The following SLAIN2 variants were observed in gnomAD, a reference collection of about 807,000 sequenced individuals.
The protein encoded by SLAIN2 is SLAIN family member 2, also known as SLAIN motif-containing protein 2.
SLAIN2 carries 31 observed loss-of-function variants against 56.6 expected under a neutral mutation model. That is an observed-to-expected ratio of 0.55 (90% CI 0.41 to 0.74). The LOEUF (loss-of-function observed/expected upper bound fraction) is 0.74, where lower values mean the gene tolerates loss of function less well. Ranked by LOEUF, SLAIN2 falls within the 30% of genes least tolerant of loss-of-function variation. The pLI is 0.00. For missense variants in SLAIN2, 777 were observed against 754.2 expected, an observed-to-expected ratio of 1.03 and a Z score of -0.35; for synonymous variants, 317 against 284.9, an observed-to-expected ratio of 1.11 and a Z score of -1.13.
chr4:48,341,685 C>T lies in SLAIN2; in HGVS notation c.-55C>T, dbSNP rs552989069. 2.5e-4 allele frequency: 379 copies of T among 1,510,540 alleles called. No homozygotes were observed. Among genetic ancestry groups the T allele is most frequent in the East Asian group, 5.7e-4 (21 of 36,966 alleles). 93.6% of individuals were successfully genotyped at this position (1,510,540 alleles called of 1,614,324 possible). A position where few individuals can be genotyped will look rare whatever the true frequency, so the allele number is the denominator to read the frequency against. On this transcript the variant is annotated 5_prime_UTR_variant, in exon 1 of 8. Transcript: ENST00000264313. ...GACGCCTCTTTCCTCCGTCTCTTTC[C>T]CTGTCGCTGCGAGAGCGAGCGGGCG... is the stretch of plus-strand genomic sequence containing the variant.
In SLAIN2 at chr4:48,341,791, C is replaced by G; in HGVS notation, c.52C>G (p.Gln18Glu). 6.5e-7 allele frequency: 1 copy of G among 1,530,370 alleles called. No individual in the cohort carries two copies. Among genetic ancestry groups the G allele is most frequent in the Non-Finnish European group, 8.8e-7 (1 of 1,138,768 alleles). 94.8% of individuals were successfully genotyped at this position (1,530,370 alleles called of 1,614,324 possible). Residue 18 changes from glutamine to glutamate, a missense_variant, in exon 1 of 8, where the codon CAG (glutamine) becomes GAG (glutamate). Gln to Glu is a conservative substitution (Grantham distance 29). Coordinates refer to ENST00000264313, the MANE Select transcript of SLAIN2 (RefSeq NM_020846.2). ...VNADQEVRKLQELVKKLEKQN... is the reference protein window; with the variant it reads ...VNADQEVRKLEELVKKLEKQN... ...CGCGGACCAGGAGGTGCGGAAGCTG[C>G]AGGAGCTGGTGAAGAAGCTGGAGAA...
Position 48,420,178 on chromosome 4 carries a change from C to T in SLAIN2, c.1414C>T (p.Arg472Trp), listed in dbSNP as rs766712711. 3.7e-6 allele frequency: 6 copies of T among 1,613,860 alleles called. No individual in the cohort carries two copies. The highest frequency in any genetic ancestry group is 2.2e-5 in the East Asian group (1 of 44,862). ...TGCAGCACCATCTCCTTTGGCTCTT[C>T]GGCAACCAGTGAAAGCATTTAGTAA... The part of the protein sequence containing the change: ...SPAAPSPLAL[R>W]QPVKAFSNHG... The change falls in exon 7 of 8, where the codon CGG (arginine) becomes TGG (tryptophan). Residue 472 changes from arginine (R) to tryptophan (W), a missense_variant. Transcript: ENST00000264313.
chr4:48,420,822 A>C (rs1717127034), intron 7 of SLAIN2, among the ~76,000 whole-genome samples: 1 of 152,208 alleles, frequency 6.6e-6, no homozygotes, highest in Non-Finnish European at 1.5e-5. Context: ...ACTTCTAGCT[A>C]CCAAGTCTGA....
At chr4:48,388,025 C>T (rs1040331044) in intron 6 of SLAIN2, among the ~76,000 whole-genome samples, 1 of 152,094 alleles carries the variant, frequency 6.6e-6, no homozygotes, top group Non-Finnish European at 1.5e-5. Context: ...ACTTGCTGGT[C>T]TGCATGAACC....
At chr4:48,421,971 A>G in intron 7 of SLAIN2, 40 bp from the exon 8 acceptor site, 1 of 1,435,294 alleles carries the variant, frequency 7.0e-7, no homozygotes, top group Non-Finnish European at 9.7e-7. Flanking sequence ...TTTCATAAAG[A>G]CATTTATCAA....
At chr4:48,375,293 A>G (rs989910212) in intron 2 of SLAIN2, among the ~76,000 whole-genome samples, 5 of 152,198 alleles carry the variant, frequency 3.3e-5, no homozygotes, top group Non-Finnish European at 5.9e-5. Context: ...TATATATAAA[A>G]TATTGTTTTA....
Position 48,426,163 on chromosome 4 carries a change from G to A in SLAIN2, c.*4086G>A, listed in dbSNP as rs1006427308. ...TAGAAGGTCTTTTTTTTTTTAAGGA[G>A]AAAATGTTTCTTTTAAATAAATGTT... is the stretch of plus-strand genomic sequence containing the variant. On this transcript the variant is annotated 3_prime_UTR_variant, in exon 8 of 8. Transcript: ENST00000264313. The A allele has an allele frequency of 2.6e-5, 4 of 151,520 alleles. No individual in the cohort carries two copies. The highest frequency in any genetic ancestry group is 9.7e-5 in the African/African-American group (4 of 41,284). 9.4% of individuals were successfully genotyped at this position (151,520 alleles called of 1,614,324 possible).
intron 7 of SLAIN2, 181 bp downstream of exon 7, chr4:48,420,624 C>G (rs1717122751): frequency 1.3e-6 from 1 of 772,284 alleles, no homozygotes; most frequent in Non-Finnish European, 2.0e-6. Context: ...TCATTTGGGA[C>G]TTTTACCAGT....
chr4:48,376,899 CCG>C (rs1715830138), intron 2 of SLAIN2, among the ~76,000 whole-genome samples: 1 of 145,472 alleles, frequency 6.9e-6, no homozygotes, highest in Admixed American at 7.0e-5. Context: ...GCGTGAGCCA[CCG>C]CGCCCGGCCG....
intron 6 of SLAIN2, among the ~76,000 whole-genome samples, chr4:48,409,922 C>G (rs1716800213): frequency 6.6e-6 from 1 of 152,158 alleles, no homozygotes; most frequent in South Asian, 2.1e-4. Flanking sequence ...CATTCATGTA[C>G]AAGTGTTTAC....
At chr4:48,343,321 A>G (rs569135250) in intron 1 of SLAIN2, among the ~76,000 whole-genome samples, 2 of 152,348 alleles carry the variant, frequency 1.3e-5, no homozygotes, top group African/African-American at 4.8e-5. Flanking sequence ...AAAATTTAGT[A>G]AGATAATTAT....
At chr4:48,421,981 A>G (rs773325999) in intron 7 of SLAIN2, 30 bp from the exon 8 acceptor site, 4 of 1,536,760 alleles carry the variant, frequency 2.6e-6, no homozygotes, top group Non-Finnish European at 2.7e-6. Flanking sequence ...ACATTTATCA[A>G]ATTTTAATTA....
At chr4:48,375,227 C>T (rs1715777958) in intron 2 of SLAIN2, among the ~76,000 whole-genome samples, 1 of 152,156 alleles carries the variant, frequency 6.6e-6, no homozygotes, top group Non-Finnish European at 1.5e-5. Context: ...AATTTAGCAA[C>T]TGTATTTCTG....
Position 48,424,504 on chromosome 4 carries a change from G to A in SLAIN2, c.*2427G>A, listed in dbSNP as rs1370335002. 4.6e-5 allele frequency: 7 copies of A among 152,172 alleles called. No homozygotes were observed. The highest frequency in any genetic ancestry group is 1.7e-4 in the African/African-American group (7 of 41,536). 9.4% of individuals were successfully genotyped at this position (152,172 alleles called of 1,614,324 possible). On this transcript the variant is annotated 3_prime_UTR_variant, in exon 8 of 8. Transcript: ENST00000264313. ...GAAAACAATGAGCTCTGCTTCCAAA[G>A]TTATTTAATTTTCTCAGTGTTTGAA... is the stretch of plus-strand genomic sequence containing the variant.
At chr4:48,383,878 C>A in intron 6 of SLAIN2, 94 bp downstream of exon 6, 2 of 1,363,616 alleles carry the variant, frequency 1.5e-6, no homozygotes, top group Admixed American at 2.3e-5. Flanking sequence ...GTTTTTTATG[C>A]TGAAAAACCG....
In SLAIN2 at chr4:48,341,944, T is replaced by C; in HGVS notation, c.205T>C (p.Leu69=). The change falls in exon 1 of 8, where the codon TTG becomes CTG. Residue 69 remains leucine, a synonymous_variant. Transcript: ENST00000264313. ...CGCGGCGTCTCCTCGGGGCTTCCCC[T>C]TGGGCCTCAGCGCCAAGTCGGGCGG... ...SGAASPRGFP[L]GLSAKSGGGP... 6.8e-7 allele frequency: 1 copy of C among 1,477,910 alleles called. No individual in the cohort carries two copies. The highest frequency in any genetic ancestry group is 8.9e-7 in the Non-Finnish European group (1 of 1,118,208). The allele number at this position is 1,477,910 out of a possible 1,614,324, so 91.5% of individuals were successfully genotyped here.
chr4:48,360,863 A>G (rs756578893), intron 1 of SLAIN2, among the ~76,000 whole-genome samples: 1 of 152,126 alleles, frequency 6.6e-6, no homozygotes, highest in Non-Finnish European at 1.5e-5. Flanking sequence ...GTATCATACA[A>G]TCTGCGATGT....
chr4:48,383,629 A>G lies in SLAIN2; in HGVS notation c.1223-18A>G. 6.7e-7 allele frequency: 1 copy of G among 1,488,890 alleles called. No individual in the cohort carries two copies. The highest frequency in any genetic ancestry group is 9.0e-7 in the Non-Finnish European group (1 of 1,111,334). The allele number at this position is 1,488,890 out of a possible 1,614,324, so 92.2% of individuals were successfully genotyped here. A position where few individuals can be genotyped will look rare whatever the true frequency, so the allele number is the denominator to read the frequency against. ...TCTGAAAGAATATGATTTTTTTAAA[A>G]TTAAAATTCTGTTGCAGAAAAACTA... On this transcript the variant is annotated intron_variant, in intron 5 of 7. Transcript: ENST00000264313.
chr4:48,394,418 A>G (rs1172831205), intron 6 of SLAIN2, among the ~76,000 whole-genome samples: 2 of 152,222 alleles, frequency 1.3e-5, no homozygotes, highest in African/African-American at 4.8e-5. Flanking sequence ...GCATCACTTT[A>G]AAATTCTTTT....
Sources: allele counts gnomAD v4.1 joint callset (sites outside exome capture counted in the v4.1 genomes callset), GRCh38; gene constraint gnomAD v4.1.1; transcripts MANE v1.5; gene names NCBI Gene and HGNC (gene_info 2026-07-23, HGNC 2026-07-21).